Variants in CLVS1 observed in about 807,000 individuals in gnomAD.
CLVS1 encodes the protein clavesin 1, also known as clavesin-1.
CLVS1 carries 10 observed loss-of-function variants against 33.1 expected under a neutral mutation model. The ratio of observed to expected loss-of-function variants is 0.30; its 90% CI spans 0.19 to 0.51. CLVS1 has a LOEUF of 0.51. Ranked by LOEUF, CLVS1 falls within the 20% of genes least tolerant of loss-of-function variation. The pLI, the probability that CLVS1 is intolerant of heterozygous loss-of-function variation, is 0.97. For synonymous variants in CLVS1, 163 were observed against 166.1 expected (o/e 0.98, Z 0.14); for missense variants, 343 against 433.4 (o/e 0.79, Z 1.85).
At chr8:60,968,451 G>T in the CLVS1 span, among the ~76,000 whole-genome samples, 1 of 151,182 alleles carries the variant, frequency 6.6e-6, no homozygotes, top group African/African-American at 2.4e-5. Context: ...GGGAGGCAGA[G>T]GTTGCAGTGA....
chr8:61,250,174 A>T (rs1265314276), intron 2 of CLVS1, among the ~76,000 whole-genome samples: 1 of 152,170 alleles, frequency 6.6e-6, no homozygotes, highest in Non-Finnish European at 1.5e-5. Context: ...TTCAATAGGG[A>T]ATCTTTTCCC....
intron 1 of CLVS1, among the ~76,000 whole-genome samples, chr8:61,289,627 A>T (rs1228886802): frequency 6.6e-6 from 1 of 152,260 alleles, no homozygotes; most frequent in Non-Finnish European, 1.5e-5. Flanking sequence ...AGTTTAAACC[A>T]GAGCACAGAA....
intron 2 of CLVS1, among the ~76,000 whole-genome samples, chr8:61,369,032 C>T (rs1813325827): frequency 6.6e-6 from 1 of 151,974 alleles, no homozygotes; most frequent in South Asian, 2.1e-4. Flanking sequence ...CTTTCTCTCC[C>T]CGTCTTTCTT....
intron 1 of CLVS1, chr8:61,292,328 T>C (rs963960213): frequency 6.6e-6 from 3 of 456,044 alleles, no homozygotes; most frequent in South Asian, 3.1e-5. Flanking sequence ...GCAGTTTTCT[T>C]AGCTGTGATT....
chr8:61,241,827 C>G (rs1585715766), intron 2 of CLVS1, among the ~76,000 whole-genome samples: 1 of 152,288 alleles, frequency 6.6e-6, no homozygotes, highest in Middle Eastern at 3.4e-3. Flanking sequence ...AAATTTCTTT[C>G]ACATTTCTTG....
At chr8:61,164,977 G>A (rs1806828072) in intron 2 of CLVS1, among the ~76,000 whole-genome samples, 1 of 152,116 alleles carries the variant, frequency 6.6e-6, no homozygotes, top group South Asian at 2.1e-4. Context: ...TGGGGTTCTT[G>A]GTCTCACGGA....
At chr8:61,472,173 G>C (rs566864578) in intron 5 of CLVS1, among the ~76,000 whole-genome samples, 1 of 152,248 alleles carries the variant, frequency 6.6e-6, no homozygotes, top group African/African-American at 2.4e-5. Context: ...GTCTTAACAG[G>C]GACCACAATT....
At chr8:60,969,005 T>G in the CLVS1 span, among the ~76,000 whole-genome samples, 728 of 152,354 alleles carry the variant, frequency 4.8e-3, 6 homozygotes, top group African/African-American at 0.017. Flanking sequence ...TGAACAAACA[T>G]GTATATTACA....
the CLVS1 span, among the ~76,000 whole-genome samples, chr8:61,026,616 C>T: frequency 1.3e-5 from 2 of 152,200 alleles, no homozygotes; most frequent in Non-Finnish European, 2.9e-5. Flanking sequence ...GCTGAATCCT[C>T]CGCAAACCAT....
At chr8:61,198,042 G>T (rs572249765) in intron 2 of CLVS1, among the ~76,000 whole-genome samples, 1 of 152,286 alleles carries the variant, frequency 6.6e-6, no homozygotes, top group Non-Finnish European at 1.5e-5. Context: ...TGCTATGATT[G>T]TTCACCTGAT....
At chr8:61,380,937 A>G (rs1813850718) in intron 3 of CLVS1, among the ~76,000 whole-genome samples, 1 of 152,222 alleles carries the variant, frequency 6.6e-6, no homozygotes, top group Admixed American at 6.5e-5. Flanking sequence ...GAAGAGTTAC[A>G]GTCTTGTGTC....
chr8:61,322,325 C>G, intron 2 of CLVS1, among the ~76,000 whole-genome samples: 1 of 152,254 alleles, frequency 6.6e-6, no homozygotes, highest in South Asian at 2.1e-4. Flanking sequence ...GGATCCTTGG[C>G]AAGCTCTTTC....
chr8:61,095,716 C>T (rs1805340575), intron 1 of CLVS1, among the ~76,000 whole-genome samples: 1 of 152,134 alleles, frequency 6.6e-6, no homozygotes, highest in African/African-American at 2.4e-5. Context: ...AAACAAAGAC[C>T]CCAAGCATAG....
chr8:60,967,822 T>A, the CLVS1 span: 1 of 381,732 alleles, frequency 2.6e-6, no homozygotes, highest in South Asian at 2.0e-5. Flanking sequence ...TTTGCCTAAT[T>A]GCTCTATCCA....
chr8:61,361,081 T>A (rs1812956014), intron 2 of CLVS1, among the ~76,000 whole-genome samples: 2 of 152,220 alleles, frequency 1.3e-5, no homozygotes, highest in South Asian at 4.2e-4. Flanking sequence ...TGCTACACAC[T>A]TTTAAACAAG....
intron 5 of CLVS1, among the ~76,000 whole-genome samples, chr8:61,482,998 TA>T (rs1446939799): frequency 6.6e-6 from 1 of 152,202 alleles, no homozygotes; most frequent in African/African-American, 2.4e-5. Flanking sequence ...AGGAAAGATC[TA>T]AAATTGACAT....
upstream of CLVS1, among the ~76,000 whole-genome samples, chr8:61,285,451 A>T (rs577781341): frequency 2.0e-4 from 31 of 152,192 alleles, no homozygotes; most frequent in African/African-American, 7.2e-4. Context: ...CTTGACCTCC[A>T]TTTCAGCTCC....
the CLVS1 span, among the ~76,000 whole-genome samples, chr8:60,973,342 T>C: frequency 3.9e-5 from 6 of 152,224 alleles, no homozygotes; most frequent in Non-Finnish European, 8.8e-5. Flanking sequence ...ATAGGTATAT[T>C]TCAGAGATAA....
chr8:60,993,707 C>T, the CLVS1 span, among the ~76,000 whole-genome samples: 9 of 152,308 alleles, frequency 5.9e-5, no homozygotes, highest in Non-Finnish European at 8.8e-5. Flanking sequence ...CATTGCACAG[C>T]GGCTAGCACC....
Sources: gnomAD v4.1 joint callset for allele counts (sites outside exome capture counted in the v4.1 genomes callset) on GRCh38, gnomAD v4.1.1 for gene constraint, MANE v1.5 for transcripts, NCBI Gene and HGNC (gene_info 2026-07-23, HGNC 2026-07-21) for gene names.